The following CDK5RAP1 variants were observed in gnomAD, a reference collection of about 807,000 sequenced individuals.
CDK5RAP1 encodes CDK5RAP1 mitochondrial tRNA methylthiotransferase.
A neutral mutation model predicts 64.5 loss-of-function variants in CDK5RAP1; 62 were observed. The observed-to-expected ratio is 0.96, with a 90% CI of 0.78 to 1.19. The LOEUF is 1.19. Among genes scored for constraint, CDK5RAP1 ranks in the 50% most tolerant of loss-of-function variants. The probability of loss-of-function intolerance (pLI) is 0.00; values close to 1 mark genes in which losing one functional copy is unlikely to be tolerated. For missense variants in CDK5RAP1, 657 were observed against 735.0 expected, an observed-to-expected ratio of 0.89 and a Z score of 1.23; for synonymous variants, 250 against 261.9, an observed-to-expected ratio of 0.95 and a Z score of 0.44.
At chr20:33,385,543 G>A (rs1425596656) in intron 7 of CDK5RAP1, 107 bp downstream of exon 7, 1 of 1,326,970 alleles carries the variant, frequency 7.5e-7, no homozygotes, top group African/African-American at 1.5e-5. Context: ...GCCAGGCATG[G>A]TCCTAAACTT....
intron 1 of CDK5RAP1, among the ~76,000 whole-genome samples, chr20:33,398,220 C>T (rs974912653): frequency 4.6e-5 from 7 of 152,164 alleles, no homozygotes; most frequent in Admixed American, 4.6e-4. Flanking sequence ...AGTCTAGGCA[C>T]AGTGGCTCAT....
At chr20:33,378,666 A>G (rs1568701343) in intron 8 of CDK5RAP1, among the ~76,000 whole-genome samples, 2 of 152,122 alleles carry the variant, frequency 1.3e-5, no homozygotes, top group African/African-American at 2.4e-5. Context: ...CCCCTTATTA[A>G]CCCCATTTTA....
chr20:33,400,277 A>G (rs1342248681), intron 1 of CDK5RAP1, among the ~76,000 whole-genome samples: 3 of 152,246 alleles, frequency 2.0e-5, no homozygotes, highest in Non-Finnish European at 4.4e-5. Context: ...ATACACGTGT[A>G]AAGAGCAGAT....
intron 7 of CDK5RAP1, 82 bp downstream of exon 7, chr20:33,385,568 C>T: frequency 2.0e-6 from 3 of 1,522,206 alleles, no homozygotes; most frequent in Middle Eastern, 1.7e-4. Context: ...AAGTCAGAGA[C>T]AGCATAGGCT....
At position 33,360,510 on chromosome 20, in the gene CDK5RAP1, A is replaced by G; in HGVS notation, c.1543-19T>C. ...TACTGAGCTGCAGAAAGAAGAGAGA[A>G]GAGTTCGTGGATTTGTCACAGTTGT... On this transcript the variant is annotated intron_variant, in intron 12 of 13. Transcript: ENST00000346416. 2 of 1,599,116 alleles carry G rather than the reference A, an allele frequency of 1.3e-6. No individual in the cohort carries two copies.
At chr20:33,392,775 T>C (rs975042416) in intron 4 of CDK5RAP1, among the ~76,000 whole-genome samples, 3 of 152,160 alleles carry the variant, frequency 2.0e-5, no homozygotes, top group South Asian at 2.1e-4. Context: ...TTCTCCTCTG[T>C]TGGACAGTTT....
intron 10 of CDK5RAP1, among the ~76,000 whole-genome samples, chr20:33,371,050 T>C (rs1410970606): frequency 6.6e-6 from 1 of 152,158 alleles, no homozygotes; most frequent in Non-Finnish European, 1.5e-5. Context: ...TCCCAGCACT[T>C]TGAGAGGCCA....
At chr20:33,390,028 G>A (rs147791292) in intron 5 of CDK5RAP1, among the ~76,000 whole-genome samples, 12 of 151,086 alleles carry the variant, frequency 7.9e-5, no homozygotes, top group African/African-American at 2.9e-4. Context: ...TGTAATCTCA[G>A]CACTTTGGGA....
chr20:33,374,533 T>C (rs1985664533), intron 8 of CDK5RAP1, among the ~76,000 whole-genome samples: 1 of 151,848 alleles, frequency 6.6e-6, no homozygotes, highest in African/African-American at 2.4e-5. Context: ...AAAATGGCAC[T>C]TCTTTCAGCT....
intron 5 of CDK5RAP1, among the ~76,000 whole-genome samples, chr20:33,390,274 CAAAA>C (rs113894811): frequency 7.0e-6 from 1 of 142,806 alleles, no homozygotes; most frequent in Non-Finnish European, 1.5e-5. Flanking sequence ...ACCCTGTCAC[CAAAA>C]AAAAAAAAAG....
rs528640489 is a variant in CDK5RAP1 at position 33,365,600 on chromosome 20, A to T, written c.1542+1259T>A. Among the ~76,000 whole-genome samples the T allele has an allele frequency of 3.6e-3, 102 of 28,316 alleles. 1 individual carries two copies. The highest frequency in any genetic ancestry group is 8.0e-3 in the African/African-American group (89 of 11,168). 18.6% of individuals were successfully genotyped at this position (28,316 alleles called of 152,430 possible). The stretch of plus-strand genomic sequence containing the variant: ...ATGTTTAAAATTCTCTATAATGTAA[A>T]AAAAAAAAAAAAAAAAAAAAAAAAG... On this transcript the variant is annotated intron_variant, in intron 12 of 13. Transcript: ENST00000346416.
chr20:33,374,436 A>G (rs1260744940), intron 8 of CDK5RAP1, among the ~76,000 whole-genome samples: 1 of 144,198 alleles, frequency 6.9e-6, no homozygotes, highest in Non-Finnish European at 1.5e-5. Flanking sequence ...AAGAGTAGAG[A>G]GAAGAAAGTA....
chr20:33,370,500 T>C lies in CDK5RAP1; in HGVS notation c.1391A>G (p.Gln464Arg), dbSNP rs142017117. The C allele has an allele frequency of 8.1e-6, 13 of 1,614,108 alleles. No homozygotes were observed. Among genetic ancestry groups the C allele is most frequent in the Admixed American group, 1.7e-5 (1 of 60,018 alleles). Reference sequence around the variant, plus strand: ...GTCCTCCCCAACCCCAGGGCTCACCTGTCTCATGCTGTAGGCAAAGAGGAA... The same window carrying C: ...GTCCTCCCCAACCCCAGGGCTCACCCGTCTCATGCTGTAGGCAAAGAGGAA... Reference protein sequence around the residue: ...MGFLFAYSMRQKTRAYHRLKD... With the variant: ...MGFLFAYSMRRKTRAYHRLKD... Residue 464 changes from glutamine (Q) to arginine (R), a missense_variant and splice_region_variant, in exon 11 of 14, where the codon CAG becomes CGG. Transcript: ENST00000346416.
At chr20:33,386,281 C>G (rs962066607) in intron 6 of CDK5RAP1, among the ~76,000 whole-genome samples, 2 of 152,192 alleles carry the variant, frequency 1.3e-5, no homozygotes, top group Admixed American at 1.3e-4. Flanking sequence ...CCACGATGGT[C>G]TCGATCTTTT....
intron 3 of CDK5RAP1, among the ~76,000 whole-genome samples, chr20:33,394,393 T>C (rs291699): frequency 0.96 from 146,233 of 152,060 alleles, 70,385 homozygotes; most frequent in East Asian, 1. Context: ...CTCAAGTGAT[T>C]CACCTGCCTT....
In CDK5RAP1 at chr20:33,394,070, A is replaced by C. The variant is rs1261617611; in HGVS notation, c.409-4T>G. 1 of 1,592,856 alleles carries C rather than the reference A, an allele frequency of 6.3e-7. No homozygotes were observed. The highest frequency in any genetic ancestry group is 1.7e-5 in the Admixed American group (1 of 59,996). On this transcript the variant is annotated splice_polypyrimidine_tract_variant and splice_region_variant and intron_variant, in intron 3 of 13. Transcript: ENST00000346416. ...TGACAAGGAGAATCACATCTGCCTGAATGGAAAGAAAGGAAAACAAGGAAA... is the reference window on the plus strand; with the variant it reads ...TGACAAGGAGAATCACATCTGCCTGCATGGAAAGAAAGGAAAACAAGGAAA...
Position 33,372,686 on chromosome 20 carries a change from T to C in CDK5RAP1, c.1217A>G (p.Glu406Gly), listed in dbSNP as rs1985257936. Residue 406 changes from glutamate (E) to glycine (G), a missense_variant, in exon 10 of 14, where the codon GAA becomes GGA. By Grantham distance (98) the Glu-to-Gly change is moderately conservative. Coordinates refer to ENST00000346416, the MANE Select transcript of CDK5RAP1 (RefSeq NM_016408.4). ...LEAMRRGYSR[E>G]AYVELVHHIR... ...ATGGTGAACTAACTCCACATAAGCTTCTCTTGAATATCTGCAATAAAGAAC... is the reference window on the plus strand; with the variant it reads ...ATGGTGAACTAACTCCACATAAGCTCCTCTTGAATATCTGCAATAAAGAAC... The C allele has an allele frequency of 6.3e-7, 1 of 1,581,980 alleles. No homozygotes were observed. The highest frequency in any genetic ancestry group is 8.6e-7 in the Non-Finnish European group (1 of 1,165,456).
intron 10 of CDK5RAP1, among the ~76,000 whole-genome samples, chr20:33,371,499 A>C (rs927478971): frequency 6.6e-6 from 1 of 151,978 alleles, no homozygotes; most frequent in Non-Finnish European, 1.5e-5. Context: ...AAAAGTTAAA[A>C]TAATTAGGCC....
chr20:33,380,181 A>G (rs547930371), intron 7 of CDK5RAP1, among the ~76,000 whole-genome samples: 1 of 152,352 alleles, frequency 6.6e-6, no homozygotes, highest in African/African-American at 2.4e-5. Context: ...TTAATGCATC[A>G]TTTAAAGAAA....
Sources: gnomAD v4.1 joint callset for allele counts (sites outside exome capture counted in the v4.1 genomes callset) on GRCh38, gnomAD v4.1.1 for gene constraint, MANE v1.5 for transcripts, NCBI Gene and HGNC (gene_info 2026-07-23, HGNC 2026-07-21) for gene names.